Variants in KANK4 observed in about 807,000 individuals in gnomAD.
KANK4 encodes KN motif and ankyrin repeat domain-containing protein 4.
In KANK4, 50 loss-of-function variants were observed where a neutral mutation model predicts 80.8. The ratio of observed to expected loss-of-function variants is 0.62; its 90% CI spans 0.49 to 0.78. The LOEUF is 0.78. KANK4 is among the 30% of genes least tolerant of loss of function. KANK4 has a pLI of 0.00. For synonymous variants in KANK4, 465 were observed against 506.9 expected (o/e 0.92, Z 1.11); for missense variants, 1,196 against 1,240.1 (o/e 0.96, Z 0.53).
intron 4 of KANK4, among the ~76,000 whole-genome samples, chr1:62,270,841 C>T (rs1193268636): frequency 1.3e-5 from 2 of 152,178 alleles, no homozygotes; most frequent in South Asian, 2.1e-4. Context: ...CTTATCTCAG[C>T]ACATCAGCAT....
chr1:62,254,785 C>T (rs1671711064), intron 7 of KANK4, among the ~76,000 whole-genome samples: 1 of 151,414 alleles, frequency 6.6e-6, no homozygotes, highest in African/African-American at 2.4e-5. Context: ...TCAGGCTGGT[C>T]TCGAACTCCT....
At chr1:62,264,389 CA>C (rs1671968560) in intron 6 of KANK4, among the ~76,000 whole-genome samples, 1 of 152,070 alleles carries the variant, frequency 6.6e-6, no homozygotes, top group South Asian at 2.1e-4. Flanking sequence ...CCAGCCTGGG[CA>C]ACAAGAGCGA....
At chr1:62,267,153 G>T (rs1387011923) in intron 5 of KANK4, among the ~76,000 whole-genome samples, 1 of 152,196 alleles carries the variant, frequency 6.6e-6, no homozygotes, top group Admixed American at 6.5e-5. Flanking sequence ...GCTGGGAAGG[G>T]GAGGCCTGTC....
chr1:62,269,532 A>C (rs1672109339), intron 4 of KANK4, among the ~76,000 whole-genome samples: 1 of 152,190 alleles, frequency 6.6e-6, no homozygotes, highest in African/African-American at 2.4e-5. Context: ...CATGTTTGTG[A>C]TTAAGAGAGT....
chr1:62,312,108 C>T (rs1310122403), intron 1 of KANK4, among the ~76,000 whole-genome samples: 1 of 151,934 alleles, frequency 6.6e-6, no homozygotes, highest in Non-Finnish European at 1.5e-5. Context: ...ACAAAGAAAA[C>T]CAATAATATT....
In KANK4 at chr1:62,238,433, C is replaced by T. The variant is rs553096133; in HGVS notation, c.2884-52G>A. 31 of 1,543,828 alleles carry T rather than the reference C, an allele frequency of 2.0e-5. No individual in the cohort carries two copies. In the South Asian group the frequency reaches 3.3e-4, roughly 16 times the overall value. On this transcript the variant is annotated intron_variant, in intron 9 of 9. Coordinates refer to ENST00000371153, the MANE Select transcript of KANK4 (RefSeq NM_181712.5). ...TAAATATCATCCAATCTGCCTCCTG[C>T]CTGGGGGAGAAGGGCAAGTTGGGAG...
At chr1:62,259,523 C>A (rs1011320279) in intron 7 of KANK4, among the ~76,000 whole-genome samples, 7 of 152,016 alleles carry the variant, frequency 4.6e-5, no homozygotes, top group Admixed American at 4.6e-4. Context: ...GCGGTTCACC[C>A]GCCTCAGCCT....
At chr1:62,268,008 G>T (rs867395972) in intron 5 of KANK4, among the ~76,000 whole-genome samples, 19 of 152,230 alleles carry the variant, frequency 1.2e-4, no homozygotes, top group African/African-American at 4.6e-4. Flanking sequence ...TGGAAGTTGT[G>T]TATATAGGAT....
intron 1 of KANK4, among the ~76,000 whole-genome samples, chr1:62,291,326 A>T (rs1378794751): frequency 6.6e-6 from 1 of 152,208 alleles, no homozygotes; most frequent in African/African-American, 2.4e-5. Context: ...CATATTCAGG[A>T]TATTAACCTC....
rs1557479582 is a variant in KANK4, at chr1:62,263,076, T to G, written c.2539+16A>C. On this transcript the variant is annotated intron_variant, in intron 7 of 9. Transcript: ENST00000371153. ...CAAGGAGGGACCCAGACTGTATGAA[T>G]GCAACCACTTCTGACCTGTCTCCAG... 4 of 1,594,802 alleles carry G rather than the reference T, an allele frequency of 2.5e-6. No individual in the cohort carries two copies. Among genetic ancestry groups the G allele is most frequent in the Non-Finnish European group, 1.7e-6 (2 of 1,164,394 alleles).
chr1:62,263,206 A>C lies in KANK4; in HGVS notation c.2425T>G (p.Ser809Ala). The stretch of plus-strand genomic sequence containing the variant: ...ACAAGCAGTTTCAGGAAGTGTGGGG[A>C]GTGAGGCTGGACCTCGTGGAGGTAG... ...ASYLHEVQPHSPHFLKLLVNL... is the reference protein window; with the variant it reads ...ASYLHEVQPHAPHFLKLLVNL... The change falls in exon 7 of 10, where the codon TCC (serine) becomes GCC (alanine). Residue 809 changes from serine to alanine, a missense_variant. Ser to Ala is a moderately conservative substitution (Grantham distance 99). Transcript: ENST00000371153. 3.7e-6 allele frequency: 6 copies of C among 1,613,972 alleles called. No individual in the cohort carries two copies. The highest frequency in any genetic ancestry group is 5.1e-6 in the Non-Finnish European group (6 of 1,179,980).
intron 4 of KANK4, among the ~76,000 whole-genome samples, chr1:62,268,947 C>T (rs1672094751): frequency 6.6e-6 from 1 of 152,184 alleles, no homozygotes; most frequent in Admixed American, 6.5e-5. Flanking sequence ...ACCAAGTTGC[C>T]TGCAAATCTT....
At chr1:62,262,748 G>GAAGT (rs1671916964) in intron 7 of KANK4, among the ~76,000 whole-genome samples, 1 of 152,158 alleles carries the variant, frequency 6.6e-6, no homozygotes, top group South Asian at 2.1e-4. Context: ...TATTCTAAGT[G>GAAGT]AAGTAACTCA....
intron 6 of KANK4, among the ~76,000 whole-genome samples, chr1:62,264,518 G>A (rs1671971824): frequency 6.6e-6 from 1 of 152,188 alleles, no homozygotes; most frequent in Admixed American, 6.5e-5. Context: ...TATAAAATAG[G>A]AGTAAAAGGG....
At position 62,312,797 on chromosome 1, in the gene KANK4, C is replaced by G. The variant is rs1009802019; in HGVS notation, c.-71+6309G>C. On this transcript the variant is annotated intron_variant, in intron 1 of 9. Transcript: ENST00000371153. Reference sequence around the variant, plus strand: ...GCAACAAAAGAGAGCTTCGTGCAATCGTAGGGCAAGGGGTGGGTTGGCAGG... The same window carrying G: ...GCAACAAAAGAGAGCTTCGTGCAATGGTAGGGCAAGGGGTGGGTTGGCAGG... Among the ~76,000 whole-genome samples the G allele has an allele frequency of 2.0e-5, 3 of 152,320 alleles. No homozygotes were observed. The South Asian group carries it at 6.2e-4, about 32-fold the overall frequency.
At chr1:62,295,543 A>C (rs1644355814) in intron 1 of KANK4, among the ~76,000 whole-genome samples, 2 of 152,180 alleles carry the variant, frequency 1.3e-5, no homozygotes, top group South Asian at 4.1e-4. Context: ...CTTTATGTTC[A>C]ATCAGTCCAC....
Position 62,238,166 on chromosome 1 carries a change from T to C in KANK4, c.*111A>G. 1 of 663,318 alleles carries C rather than the reference T, an allele frequency of 1.5e-6. No homozygotes were observed. The allele number at this position is 663,318 out of a possible 1,614,324, so 41.1% of individuals were successfully genotyped here. A position where few individuals can be genotyped will look rare whatever the true frequency, so the allele number is the denominator to read the frequency against. On this transcript the variant is annotated 3_prime_UTR_variant, in exon 10 of 10. Transcript: ENST00000371153. ...ATGTATGTGCATATTTGACATAGTTTCTTCTCTAGAAGGGTGGCTCTCTGG... is the reference window on the plus strand; with the variant it reads ...ATGTATGTGCATATTTGACATAGTTCCTTCTCTAGAAGGGTGGCTCTCTGG...
intron 1 of KANK4, among the ~76,000 whole-genome samples, chr1:62,290,921 T>C (rs1470832231): frequency 6.6e-6 from 1 of 151,862 alleles, no homozygotes; most frequent in Non-Finnish European, 1.5e-5. Flanking sequence ...ATTTTTTTTT[T>C]CTGTATTTTT....
intron 1 of KANK4, among the ~76,000 whole-genome samples, chr1:62,286,805 AC>A (rs1672579347): frequency 6.6e-6 from 1 of 152,072 alleles, no homozygotes; most frequent in Admixed American, 6.5e-5. Context: ...CATTAAACAA[AC>A]GGAAATCTGT....
Sources: gnomAD v4.1 joint callset for allele counts (sites outside exome capture counted in the v4.1 genomes callset) on GRCh38, gnomAD v4.1.1 for gene constraint, MANE v1.5 for transcripts, NCBI Gene and HGNC (gene_info 2026-07-23, HGNC 2026-07-21) for gene names.